VNN1: variants seen among roughly 807,000 people sequenced by gnomAD.
VNN1 encodes pantetheinase.
Under a neutral mutation model 41.9 loss-of-function variants are expected in VNN1, and 29 were observed. The ratio of observed to expected loss-of-function variants is 0.69; its 90% confidence interval spans 0.52 to 0.94. The LOEUF (loss-of-function observed/expected upper bound fraction) is 0.94. VNN1 is among the 40% of genes least tolerant of loss of function. The pLI, the probability that VNN1 is intolerant of heterozygous loss-of-function variation, is 0.00. For missense variants in VNN1, 637 were observed against 621.1 expected (o/e 1.03, Z -0.27); for synonymous variants, 233 against 224.4 (o/e 1.04, Z -0.34).
intron 1 of VNN1, among the ~76,000 whole-genome samples, chr6:132,712,306 C>T (rs368879018): frequency 6.6e-5 from 10 of 151,994 alleles, no homozygotes; most frequent in Admixed American, 1.3e-4. Context: ...TCTGCCACCA[C>T]GCCTGGCTAA....
In VNN1 at chr6:132,682,690, A is replaced by G. The variant is rs974539093; in HGVS notation, c.*450T>C. On this transcript the variant is annotated 3_prime_UTR_variant, in exon 7 of 7. Transcript: ENST00000367928. The stretch of plus-strand genomic sequence containing the variant: ...AATTTTGGGGAGACATTATCAACCC[A>G]CAAGAGAATCAAAATGTATTGTTTA... 1 of 152,836 alleles carries G rather than the reference A, an allele frequency of 6.5e-6. No homozygotes were observed. The highest frequency in any genetic ancestry group is 2.4e-5 in the African/African-American group (1 of 41,474). The allele number at this position is 152,836 out of a possible 1,614,324, so 9.5% of individuals were successfully genotyped here. A position where few individuals can be genotyped will look rare whatever the true frequency, so the allele number is the denominator to read the frequency against.
intron 3 of VNN1, 141 bp downstream of exon 3, chr6:132,693,849 C>T: frequency 1.0e-6 from 1 of 999,884 alleles, no homozygotes; most frequent in Non-Finnish European, 1.5e-6. Context: ...AGGAGCTTTC[C>T]ACGCTTTATC....
rs778268520 is a variant in VNN1, at chr6:132,683,068, C to T, written c.*72G>A. On this transcript the variant is annotated 3_prime_UTR_variant, in exon 7 of 7. Transcript: ENST00000367928. The stretch of plus-strand genomic sequence containing the variant: ...CTTATACTAGAGGATAATATTAACC[C>T]GGACCAATCTTTCTTTTCTCATCCA... The T allele has an allele frequency of 6.3e-5, 89 of 1,413,312 alleles. No individual in the cohort carries two copies. Among genetic ancestry groups the T allele is most frequent in the Non-Finnish European group, 8.0e-5 (84 of 1,044,256 alleles). The allele number at this position is 1,413,312 out of a possible 1,614,324, so 87.5% of individuals were successfully genotyped here.
chr6:132,697,717 T>C (rs1369622580), intron 2 of VNN1, among the ~76,000 whole-genome samples: 3 of 151,784 alleles, frequency 2.0e-5, no homozygotes, highest in Non-Finnish European at 4.4e-5. Flanking sequence ...ATAGCAATCA[T>C]CTATAAAACA....
At chr6:132,699,907 C>A (rs888923096) in intron 2 of VNN1, among the ~76,000 whole-genome samples, 2 of 152,154 alleles carry the variant, frequency 1.3e-5, no homozygotes, top group Non-Finnish European at 2.9e-5. Flanking sequence ...TTAGCCATTT[C>A]ATGATCTTTT....
chr6:132,693,895 A>T, intron 3 of VNN1, 95 bp downstream of exon 3: 1 of 1,425,746 alleles, frequency 7.0e-7, no homozygotes, highest in African/African-American at 1.4e-5. Context: ...TCGATTTCTA[A>T]AGTGTGCTTA....
chr6:132,711,401 A>C (rs994737944), intron 2 of VNN1, among the ~76,000 whole-genome samples: 11 of 152,162 alleles, frequency 7.2e-5, no homozygotes, highest in African/African-American at 2.7e-4. Flanking sequence ...CTCTTTTGCC[A>C]TTTACTCATA....
intron 2 of VNN1, among the ~76,000 whole-genome samples, chr6:132,695,953 A>C (rs1778364444): frequency 6.6e-6 from 1 of 152,212 alleles, no homozygotes; most frequent in African/African-American, 2.4e-5. Flanking sequence ...AATCATACAA[A>C]GAAACAGGAA....
At chr6:132,687,040 T>G (rs1189203731) in intron 5 of VNN1, among the ~76,000 whole-genome samples, 2 of 152,012 alleles carry the variant, frequency 1.3e-5, no homozygotes, top group African/African-American at 4.8e-5. Flanking sequence ...GTCGGAAAAT[T>G]AGAGCCCTAA....
At chr6:132,685,899 G>A (rs561810816) in intron 5 of VNN1, among the ~76,000 whole-genome samples, 214 of 152,258 alleles carry the variant, frequency 1.4e-3, no homozygotes, top group Non-Finnish European at 2.4e-3. Flanking sequence ...ATAGTTGAAG[G>A]GGATTACCTG....
At chr6:132,713,430 A>G (rs1173361993) in intron 1 of VNN1, among the ~76,000 whole-genome samples, 2 of 152,230 alleles carry the variant, frequency 1.3e-5, no homozygotes, top group African/African-American at 4.8e-5. Flanking sequence ...TTATAAATTT[A>G]TTCGAAAACC....
At chr6:132,702,610 G>A (rs576212798) in intron 2 of VNN1, among the ~76,000 whole-genome samples, 5 of 152,270 alleles carry the variant, frequency 3.3e-5, no homozygotes, top group East Asian at 1.9e-4. Flanking sequence ...GAGAGACTCC[G>A]TCCCTCTGCC....
intron 6 of VNN1, 100 bp downstream of exon 6, chr6:132,684,235 A>T (rs1778172515): frequency 1.6e-6 from 2 of 1,264,626 alleles, no homozygotes; most frequent in East Asian, 2.5e-5. Context: ...ACCTTTCTAA[A>T]TGGAAATTTT....
chr6:132,689,093 G>A (rs1778245563), intron 5 of VNN1, among the ~76,000 whole-genome samples: 1 of 152,114 alleles, frequency 6.6e-6, no homozygotes, highest in African/African-American at 2.4e-5. Context: ...TCACCATGTT[G>A]GACAGGGGTC....
At chr6:132,695,637 AAGAACCAG>A (rs1215311796) in intron 2 of VNN1, among the ~76,000 whole-genome samples, 1 of 152,200 alleles carries the variant, frequency 6.6e-6, no homozygotes, top group East Asian at 1.9e-4. Flanking sequence ...AGGAGATTTA[AAGAACCAG>A]TGTCTTATTT....
In VNN1 at chr6:132,692,370, G is replaced by A. The variant is rs1162469533; in HGVS notation, c.1041C>T (p.Leu347=). The A allele has an allele frequency of 7.4e-6, 12 of 1,614,034 alleles. No individual in the cohort carries two copies. Among genetic ancestry groups the A allele is most frequent in the Non-Finnish European group, 1.0e-5 (12 of 1,180,034 alleles). ...CTGTATAATTTCCTGCAACTCCTGT[G>A]AGCTTCACAAAAGTGAATTCATCGA... ...VFFDEFTFVK[L]TGVAGNYTVC... is the part of the protein sequence containing the mutation. Residue 347 remains leucine (L), a synonymous_variant, in exon 5 of 7, where the codon CTC becomes CTT. Transcript: ENST00000367928.
chr6:132,698,199 C>T (rs55812321), intron 2 of VNN1, among the ~76,000 whole-genome samples: 1 of 152,100 alleles, frequency 6.6e-6, no homozygotes, highest in African/African-American at 2.4e-5. Context: ...AGAGTTTTGC[C>T]CTGGGCACAG....
intron 2 of VNN1, among the ~76,000 whole-genome samples, chr6:132,706,572 A>G (rs1778522172): frequency 6.6e-6 from 1 of 152,206 alleles, no homozygotes; most frequent in African/African-American, 2.4e-5. Flanking sequence ...AACTTTGGGG[A>G]AACTCTCCAG....
At chr6:132,713,698 A>C (rs1778633731) in intron 1 of VNN1, 128 bp downstream of exon 1, 1 of 976,308 alleles carries the variant, frequency 1.0e-6, no homozygotes, top group African/African-American at 1.6e-5. Flanking sequence ...CTGTAAAATA[A>C]AGGTTCTTGG....
Sources: gnomAD v4.1 joint callset for allele counts (sites outside exome capture counted in the v4.1 genomes callset) on GRCh38, gnomAD v4.1.1 for gene constraint, MANE v1.5 for transcripts, NCBI Gene and HGNC (gene_info 2026-07-23, HGNC 2026-07-21) for gene names.